The following PREX2 variants were observed in gnomAD, a reference collection of about 807,000 sequenced individuals.
PREX2 encodes the protein phosphatidylinositol 3,4,5-trisphosphate-dependent Rac exchanger 2 protein.
In PREX2, 107 loss-of-function variants were observed where a neutral mutation model predicts 203.2. The ratio of observed to expected loss-of-function variants is 0.53; its 90% CI spans 0.45 to 0.62. The LOEUF (loss-of-function observed/expected upper bound fraction) is 0.62. Ranked by LOEUF, PREX2 falls within the 20% of genes least tolerant of loss-of-function variation. PREX2 has a pLI of 0.00. For synonymous variants in PREX2, 672 were observed against 663.6 expected, an observed-to-expected ratio of 1.01 and a Z score of -0.19; for missense variants, 1,777 against 1,955.9, an observed-to-expected ratio of 0.91 and a Z score of 1.72.
intron 25 of PREX2, among the ~76,000 whole-genome samples, chr8:68,112,573 G>T (rs1810556583): frequency 6.6e-6 from 1 of 151,914 alleles, no homozygotes; most frequent in Non-Finnish European, 1.5e-5. Context: ...ACAACAAGAG[G>T]GGCACACCAT....
chr8:68,177,830 C>T (rs1478757554), intron 35 of PREX2, among the ~76,000 whole-genome samples: 2 of 152,142 alleles, frequency 1.3e-5, no homozygotes, highest in East Asian at 1.9e-4. Flanking sequence ...GTTCCCCCCA[C>T]CCCCTTGCTC....
At chr8:68,055,746 C>A in intron 9 of PREX2, 84 bp from the exon 10 acceptor site, 1 of 1,305,804 alleles carries the variant, frequency 7.7e-7, no homozygotes, top group Non-Finnish European at 1.1e-6. Flanking sequence ...AGACCTGCAA[C>A]AAATGCTTGC....
chr8:68,108,300 T>C lies in PREX2; in HGVS notation c.2907T>C (p.Ser969=), dbSNP rs372036713. 2.5e-6 allele frequency: 4 copies of C among 1,613,734 alleles called. No individual in the cohort carries two copies. Among genetic ancestry groups the C allele is most frequent in the Non-Finnish European group, 3.4e-6 (4 of 1,179,766 alleles). The change falls in exon 24 of 40, where the codon TCT becomes TCC. Residue 969 remains serine (S), a synonymous_variant. Transcript: ENST00000288368. ...GVQLDSRKHN[S]HDKENKSSEQ... Reference sequence around the variant, plus strand: ...AGTTGGATAGCAGGAAGCATAATTCTCATGATAAAGAAAACAAATCTTCGG... The same window carrying C: ...AGTTGGATAGCAGGAAGCATAATTCCCATGATAAAGAAAACAAATCTTCGG...
Position 68,210,293 on chromosome 8 carries a change from A to C in PREX2, c.4605-7323A>C, listed in dbSNP as rs150247171. Among the ~76,000 whole-genome samples the C allele has an allele frequency of 6.1e-3, 934 of 152,350 alleles. 6 individuals carry two copies. The highest frequency in any genetic ancestry group is 0.019 in the South Asian group (91 of 4,830). On this transcript the variant is annotated intron_variant, in intron 37 of 39. Transcript: ENST00000288368. ...TGCAACATCTACATAATGTCAATTT[A>C]TGGCAAATTGTCATGACTACAAATT...
intron 38 of PREX2, among the ~76,000 whole-genome samples, chr8:68,218,317 T>C (rs1812885085): frequency 6.6e-6 from 1 of 152,162 alleles, no homozygotes; most frequent in South Asian, 2.1e-4. Flanking sequence ...AGTAGCCCAA[T>C]AGTATTCTAA....
At chr8:68,036,956 A>T (rs1302086987) in intron 6 of PREX2, among the ~76,000 whole-genome samples, 1 of 152,204 alleles carries the variant, frequency 6.6e-6, no homozygotes, top group Non-Finnish European at 1.5e-5. Context: ...AAAAGAAGAA[A>T]TAATAAAGGA....
chr8:68,194,873 A>G (rs1449991879), intron 37 of PREX2, among the ~76,000 whole-genome samples: 1 of 150,692 alleles, frequency 6.6e-6, no homozygotes, highest in Non-Finnish European at 1.5e-5. Flanking sequence ...CATAGGGACC[A>G]GCAGCTTGAG....
chr8:68,041,989 TAC>T (rs1419398788), intron 7 of PREX2, among the ~76,000 whole-genome samples: 4 of 152,114 alleles, frequency 2.6e-5, no homozygotes, highest in Non-Finnish European at 2.9e-5. Context: ...GTGGATCAAA[TAC>T]AGAGTGGTTA....
intron 38 of PREX2, among the ~76,000 whole-genome samples, chr8:68,221,540 T>A (rs185944574): frequency 6.6e-6 from 1 of 152,322 alleles, no homozygotes; most frequent in East Asian, 1.9e-4. Context: ...CAATCAATTA[T>A]TAACTAAGAT....
At chr8:68,067,175 T>G (rs1362835378) in intron 11 of PREX2, among the ~76,000 whole-genome samples, 2 of 152,140 alleles carry the variant, frequency 1.3e-5, no homozygotes, top group African/African-American at 4.8e-5. Flanking sequence ...CTTTGTTCCT[T>G]TTGTTCAAGG....
chr8:68,195,494 C>CAT, intron 37 of PREX2, among the ~76,000 whole-genome samples: 1 of 152,194 alleles, frequency 6.6e-6, no homozygotes, highest in African/African-American at 2.4e-5. Flanking sequence ...TTTAATTTTT[C>CAT]AGTGAAGGCT....
In PREX2 at chr8:68,185,158, A is replaced by G. The variant is rs191771340; in HGVS notation, c.4347-6564A>G. 3.1e-3 allele frequency among the ~76,000 whole-genome samples: 478 copies of G among 152,244 alleles called. 8 individuals carry two copies. The South Asian group carries it at 0.035, about 11-fold the overall frequency. The stretch of plus-strand genomic sequence containing the variant: ...TCAGTTCTCTCAATTTTCATATTTG[A>G]TGAGTCATGTATTTCCTCTCGTTCA... On this transcript the variant is annotated intron_variant, in intron 35 of 39. Coordinates refer to ENST00000288368, the MANE Select transcript of PREX2 (RefSeq NM_024870.4).
At chr8:68,040,412 C>T (rs1808163549) in intron 7 of PREX2, among the ~76,000 whole-genome samples, 1 of 152,094 alleles carries the variant, frequency 6.6e-6, no homozygotes, top group Non-Finnish European at 1.5e-5. Context: ...ATCATCACAT[C>T]CCATTTCTCC....
chr8:68,116,220 T>G (rs144896810), intron 26 of PREX2, among the ~76,000 whole-genome samples: 1 of 152,320 alleles, frequency 6.6e-6, no homozygotes, highest in Admixed American at 6.5e-5. Flanking sequence ...AGATAGCTGG[T>G]AAGAAAATTG....
chr8:68,075,227 T>G (rs1280642115), intron 14 of PREX2, among the ~76,000 whole-genome samples: 1 of 152,204 alleles, frequency 6.6e-6, no homozygotes, highest in East Asian at 1.9e-4. Flanking sequence ...GCTATGTTTT[T>G]TACACCATTA....
At chr8:68,038,714 C>T (rs1009063987) in intron 7 of PREX2, among the ~76,000 whole-genome samples, 26 of 152,154 alleles carry the variant, frequency 1.7e-4, no homozygotes, top group African/African-American at 6.3e-4. Flanking sequence ...ACCTTTCCCT[C>T]ATCTCCCCTT....
At chr8:68,142,976 T>C (rs970010694) in intron 33 of PREX2, among the ~76,000 whole-genome samples, 2 of 152,192 alleles carry the variant, frequency 1.3e-5, no homozygotes, top group East Asian at 3.9e-4. Context: ...GTTCTGGATT[T>C]TGGCCCCTCT....
At chr8:68,131,826 C>CT (rs1811016709) in intron 31 of PREX2, among the ~76,000 whole-genome samples, 1 of 152,040 alleles carries the variant, frequency 6.6e-6, no homozygotes, top group Non-Finnish European at 1.5e-5. Flanking sequence ...TAGATTTTTG[C>CT]TTTTCACTCA....
intron 37 of PREX2, among the ~76,000 whole-genome samples, chr8:68,198,903 G>A (rs1812449759): frequency 6.6e-6 from 1 of 152,206 alleles, no homozygotes; most frequent in African/African-American, 2.4e-5. Flanking sequence ...GTCTGGCCAT[G>A]TGGGAAGGTG....
Sources: allele counts gnomAD v4.1 joint callset (sites outside exome capture counted in the v4.1 genomes callset), GRCh38; gene constraint gnomAD v4.1.1; transcripts MANE v1.5; gene names NCBI Gene and HGNC (gene_info 2026-07-23, HGNC 2026-07-21).